PRRG1: variants seen among roughly 807,000 people sequenced by gnomAD.
PRRG1 encodes transmembrane gamma-carboxyglutamic acid protein 1.
Under a neutral mutation model 11.8 loss-of-function variants are expected in PRRG1, and 5 were observed. The ratio of observed to expected loss-of-function variants is 0.42; its 90% confidence interval spans 0.22 to 0.89. The LOEUF (loss-of-function observed/expected upper bound fraction) is 0.89, where lower values mean the gene tolerates loss of function less well. Ranked by LOEUF, PRRG1 falls within the 40% of genes least tolerant of loss-of-function variation. The pLI, the probability that PRRG1 is intolerant of heterozygous loss-of-function variation, is 0.28. For missense variants in PRRG1, 155 were observed against 166.1 expected, an observed-to-expected ratio of 0.93 and a Z score of 0.37; for synonymous variants, 66 against 60.4, an observed-to-expected ratio of 1.09 and a Z score of -0.43.
In PRRG1 at chrX:37,425,845, C is replaced by G; in HGVS notation, c.16C>G (p.Leu6Val). 8.5e-7 allele frequency: 1 copy of G among 1,176,225 alleles called. No homozygotes were observed. Among genetic ancestry groups the G allele is most frequent in the Non-Finnish European group, 1.1e-6 (1 of 879,103 alleles). Reference sequence around the variant, plus strand: ...ATACTTATATTTCTTTTTAGTTTTCCTCACGGGAGAAAAAGCCAATTCCAT... The same window carrying G: ...ATACTTATATTTCTTTTTAGTTTTCGTCACGGGAGAAAAAGCCAATTCCAT... Reference protein sequence around the residue: MGRVFLTGEKANSILK... With the variant: MGRVFVTGEKANSILK... Residue 6 changes from leucine to valine, a missense_variant, in exon 3 of 4, where the codon CTC becomes GTC. Physicochemically the swap from Leu to Val is conservative, Grantham distance 32. Coordinates refer to ENST00000378628, the MANE Select transcript of PRRG1 (RefSeq NM_001142395.2).
chrX:37,436,676 A>G (rs1230510156), intron 3 of PRRG1, among the ~76,000 whole-genome samples: 2 of 112,553 alleles, frequency 1.8e-5, no homozygotes, highest in Non-Finnish European at 3.8e-5. Context: ...TGATGGCACT[A>G]GAGCCAGATT....
chrX:37,449,080 G>A (rs139956845), intron 3 of PRRG1, among the ~76,000 whole-genome samples: 120 of 112,143 alleles, frequency 1.1e-3, no homozygotes, highest in African/African-American at 3.8e-3. Context: ...TTGATAAGGA[G>A]TCTTAAAAAG....
intron 1 of PRRG1, among the ~76,000 whole-genome samples, chrX:37,390,389 G>A (rs1556376322): frequency 9.0e-6 from 1 of 111,471 alleles, no homozygotes; most frequent in Admixed American, 9.5e-5. Context: ...GTGTATGTAC[G>A]TGCCTGTGTG....
intron 1 of PRRG1, among the ~76,000 whole-genome samples, chrX:37,393,868 G>A (rs1572621): frequency 0.3 from 32,744 of 110,478 alleles, 7,073 homozygotes; most frequent in African/African-American, 0.77. Flanking sequence ...AGAACACTGG[G>A]GTTGATGTCA....
In PRRG1 at chrX:37,389,025, T is replaced by C. The variant is rs140260479; in HGVS notation, c.-41-17184T>C. 5.3e-3 allele frequency among the ~76,000 whole-genome samples: 598 copies of C among 112,307 alleles called. 1 individual carries two copies. The highest frequency in any genetic ancestry group is 8.0e-3 in the Non-Finnish European group (424 of 53,267). ...TTCTGCCAGATATCCTAAATCATCATTGTCAAGTTCAAAGTTCCACAGATC... is the reference window on the plus strand; with the variant it reads ...TTCTGCCAGATATCCTAAATCATCACTGTCAAGTTCAAAGTTCCACAGATC... On this transcript the variant is annotated intron_variant, in intron 1 of 3. Transcript: ENST00000378628.
chrX:37,441,040 A>G, intron 3 of PRRG1: 1 of 973,382 alleles, frequency 1.0e-6, no homozygotes, highest in Non-Finnish European at 1.3e-6. Flanking sequence ...AAGTGCTGGG[A>G]TTTATAGGTG....
intron 3 of PRRG1, among the ~76,000 whole-genome samples, chrX:37,444,157 T>G (rs1933033218): frequency 8.9e-6 from 1 of 111,797 alleles, no homozygotes; most frequent in Non-Finnish European, 1.9e-5. Flanking sequence ...TCTTGCCCCT[T>G]TACTCTTCTA....
At chrX:37,350,371 G>A (rs782028865) in intron 1 of PRRG1, among the ~76,000 whole-genome samples, 106 of 111,656 alleles carry the variant, frequency 9.5e-4, no homozygotes, top group Non-Finnish European at 1.7e-3. Flanking sequence ...TCTGTTGATG[G>A]TCATACTATA....
At chrX:37,398,017 TACAC>T (rs1931782998) in intron 1 of PRRG1, among the ~76,000 whole-genome samples, 1 of 46,356 alleles carries the variant, frequency 2.2e-5, no homozygotes, top group Non-Finnish European at 3.8e-5. Flanking sequence ...CACACACACA[TACAC>T]GCTGAAAGAA....
chrX:37,400,292 A>G lies in PRRG1; in HGVS notation c.-41-5917A>G, dbSNP rs1157709818. On this transcript the variant is annotated intron_variant, in intron 1 of 3. Transcript: ENST00000378628. ...ATTATAACAAACTGTCTCTCAGACC[A>G]CAGTGCAATCAAACTAGAACTCAGG... 2.7e-5 allele frequency among the ~76,000 whole-genome samples: 3 copies of G among 112,295 alleles called. No individual in the cohort carries two copies. In the East Asian group the frequency reaches 8.3e-4, roughly 31 times the overall value.
chrX:37,398,029 G>C (rs1051885140), intron 1 of PRRG1, among the ~76,000 whole-genome samples: 7 of 104,609 alleles, frequency 6.7e-5, no homozygotes, highest in Non-Finnish European at 1.4e-4. Flanking sequence ...CACGCTGAAA[G>C]AAGGGACCAG....
rs782247015 is a variant in PRRG1, at chrX:37,457,181, T to C, written c.*3560T>C. 1 of 112,176 alleles carries C rather than the reference T, an allele frequency of 8.9e-6. No homozygotes were observed. The highest frequency in any genetic ancestry group is 3.7e-4 in the South Asian group (1 of 2,688). 9.2% of individuals were successfully genotyped at this position (112,176 alleles called of 1,213,427 possible). ...TATAATATTTCTCATTTTAAGATGC[T>C]TGGTTTACATTAAATTATGGTATTT... On this transcript the variant is annotated 3_prime_UTR_variant, in exon 4 of 4. Transcript: ENST00000378628.
intron 2 of PRRG1, among the ~76,000 whole-genome samples, chrX:37,412,696 G>GA (rs1164075715): frequency 4.3e-4 from 42 of 97,944 alleles, no homozygotes; most frequent in East Asian, 9.4e-4. Flanking sequence ...TTTCTCACCA[G>GA]AAAAAAAAAA....
At chrX:37,382,414 C>T (rs1931179206) in intron 1 of PRRG1, among the ~76,000 whole-genome samples, 1 of 111,041 alleles carries the variant, frequency 9.0e-6, no homozygotes, top group Non-Finnish European at 1.9e-5. Context: ...AAGATATACA[C>T]AGCTATGTGT....
chrX:37,420,542 G>A lies in PRRG1; in HGVS notation c.11-5298G>A, dbSNP rs1222652092. Among the ~76,000 whole-genome samples the A allele has an allele frequency of 7.4e-5, 8 of 108,662 alleles. No homozygotes were observed. In the Admixed American group the frequency reaches 8.0e-4, roughly 11 times the overall value. 94.4% of individuals were successfully genotyped at this position (108,662 alleles called of 115,157 possible). A position where few individuals can be genotyped will look rare whatever the true frequency, so the allele number is the denominator to read the frequency against. On this transcript the variant is annotated intron_variant, in intron 2 of 3. Coordinates refer to ENST00000378628, the MANE Select transcript of PRRG1 (RefSeq NM_001142395.2). Reference sequence around the variant, plus strand: ...GTGTATAGTCTTATATCAAAAATAGGGCACCTATGGCCAGGTGCTATGGTT... The same window carrying A: ...GTGTATAGTCTTATATCAAAAATAGAGCACCTATGGCCAGGTGCTATGGTT...
rs781960211 is a variant in PRRG1 at position 37,388,307 on chromosome X, C to T, written c.-41-17902C>T. On this transcript the variant is annotated intron_variant, in intron 1 of 3. Transcript: ENST00000378628. ...TCTCACAGGTCTACTAGACAATGCC[C>T]CAGTGGTGACGTGTGTGGGGGCTCC... 3.5e-5 allele frequency among the ~76,000 whole-genome samples: 4 copies of T among 112,749 alleles called. No homozygotes were observed. The East Asian group carries it at 1.1e-3, about 32-fold the overall frequency.
At chrX:37,426,131 C>A in intron 3 of PRRG1, 131 bp downstream of exon 3, 1 of 690,411 alleles carries the variant, frequency 1.4e-6, no homozygotes, top group Non-Finnish European at 2.1e-6. Flanking sequence ...CGGAAAATGG[C>A]ATCTAACTAG....
At chrX:37,386,698 C>G (rs1426282617) in intron 1 of PRRG1, 8 of 112,054 alleles carry the variant, frequency 7.1e-5, no homozygotes, top group African/African-American at 2.3e-4. Context: ...AGGTAAGAAT[C>G]TTAGCCTTGC....
At chrX:37,446,942 C>G (rs1933088280) in intron 3 of PRRG1, among the ~76,000 whole-genome samples, 2 of 111,454 alleles carry the variant, frequency 1.8e-5, no homozygotes, top group South Asian at 3.9e-4. Flanking sequence ...AGAAGGACAC[C>G]AAGACATTCA....
Sources: gnomAD v4.1 joint callset for allele counts (sites outside exome capture counted in the v4.1 genomes callset) on GRCh38, gnomAD v4.1.1 for gene constraint, MANE v1.5 for transcripts, NCBI Gene and HGNC (gene_info 2026-07-23, HGNC 2026-07-21) for gene names.